UTP6: variants seen among roughly 807,000 people sequenced by gnomAD.
UTP6 encodes the protein UTP6 small subunit processome component, also known as U3 small nucleolar RNA-associated protein 6 homolog.
UTP6 carries 60 observed loss-of-function variants against 96.5 expected under a neutral mutation model. The ratio of observed to expected loss-of-function variants is 0.62; its 90% CI spans 0.51 to 0.77. UTP6 has a LOEUF of 0.77. UTP6 is among the 30% of genes least tolerant of loss of function. The pLI is 0.00. For missense variants in UTP6, 637 were observed against 706.5 expected, an observed-to-expected ratio of 0.90 and a Z score of 1.12; for synonymous variants, 215 against 240.1, an observed-to-expected ratio of 0.90 and a Z score of 0.96.
intron 2 of UTP6, among the ~76,000 whole-genome samples, chr17:31,895,960 G>C (rs913588012): frequency 6.7e-6 from 1 of 150,264 alleles, no homozygotes; most frequent in Non-Finnish European, 1.5e-5. Flanking sequence ...ACAGTCAGCC[G>C]AGATCATGTC....
chr17:31,863,983 G>A (rs552509277), intron 18 of UTP6, among the ~76,000 whole-genome samples: 1 of 152,170 alleles, frequency 6.6e-6, no homozygotes, highest in Non-Finnish European at 1.5e-5. Context: ...TTACAGGCGT[G>A]AGCCACTGTG....
At chr17:31,881,778 C>T (rs1417960171) in intron 10 of UTP6, among the ~76,000 whole-genome samples, 1 of 152,096 alleles carries the variant, frequency 6.6e-6, no homozygotes, top group Non-Finnish European at 1.5e-5. Context: ...ACTGCAGCCT[C>T]CACCTCCCAG....
intron 10 of UTP6, among the ~76,000 whole-genome samples, chr17:31,882,811 G>T (rs2142308060): frequency 6.6e-6 from 1 of 151,634 alleles, no homozygotes; most frequent in East Asian, 1.9e-4. Context: ...TTTGAGACAG[G>T]GTCTCACTCT....
chr17:31,901,008 C>T (rs1904950566), intron 1 of UTP6, among the ~76,000 whole-genome samples: 2 of 152,154 alleles, frequency 1.3e-5, no homozygotes, highest in African/African-American at 4.8e-5. Context: ...AACTATTAAA[C>T]ATAATTTTAA....
At chr17:31,865,180 T>C (rs1214114101) in intron 18 of UTP6, among the ~76,000 whole-genome samples, 186 bp downstream of exon 18, 1 of 152,170 alleles carries the variant, frequency 6.6e-6, no homozygotes, top group Non-Finnish European at 1.5e-5. Context: ...CATGTCCAGC[T>C]AATTTTTATT....
chr17:31,899,672 T>G lies in UTP6; in HGVS notation c.151A>C (p.Lys51Gln), dbSNP rs377073088. 4 of 1,605,442 alleles carry G rather than the reference T, an allele frequency of 2.5e-6. No individual in the cohort carries two copies. The highest frequency in any genetic ancestry group is 2.5e-6 in the Non-Finnish European group (3 of 1,176,620). Residue 51 changes from lysine to glutamine, a missense_variant, in exon 2 of 19, where the codon AAG becomes CAG. Physicochemically the swap from Lys to Gln is moderately conservative, Grantham distance 53 (BLOSUM62 1). Coordinates refer to ENST00000261708, the MANE Select transcript of UTP6 (RefSeq NM_018428.3). ...EYKIQRRTLF[K>Q]EDFINYVQYE... Reference sequence around the variant, plus strand: ...TGAACATAATTGATAAAGTCTTCCTTGAAAAGGGTTCTTCTCTGGATTTTG... The same window carrying G: ...TGAACATAATTGATAAAGTCTTCCTGGAAAAGGGTTCTTCTCTGGATTTTG...
At chr17:31,893,124 T>G (rs1016506236) in intron 4 of UTP6, among the ~76,000 whole-genome samples, 4 of 152,004 alleles carry the variant, frequency 2.6e-5, no homozygotes, top group African/African-American at 9.6e-5. Context: ...TACAAAAAAA[T>G]TAGCCGGACT....
At chr17:31,878,665 T>C (rs2142302366) in intron 12 of UTP6, 37 bp downstream of exon 12, 1 of 1,580,358 alleles carries the variant, frequency 6.3e-7, no homozygotes. Context: ...AGGCAGTCAC[T>C]ATCTAGTCAA....
At position 31,899,765 on chromosome 17, in the gene UTP6, C is replaced by A. The variant is rs538317436; in HGVS notation, c.93-35G>T. ...AAGCCATTTAAACTTCACTTGAAAACTGCAAAAATTAAACGTTTAAGTTTA... is the reference window on the plus strand; with the variant it reads ...AAGCCATTTAAACTTCACTTGAAAAATGCAAAAATTAAACGTTTAAGTTTA... On this transcript the variant is annotated intron_variant, in intron 1 of 18. Transcript: ENST00000261708. 6 of 1,443,418 alleles carry A rather than the reference C, an allele frequency of 4.2e-6. No individual in the cohort carries two copies. The Admixed American group carries it at 1.4e-4, about 33-fold the overall frequency. The allele number at this position is 1,443,418 out of a possible 1,614,324, so 89.4% of individuals were successfully genotyped here.
chr17:31,884,442 T>C lies in UTP6; in HGVS notation c.767A>G (p.Gln256Arg). 2 of 1,611,958 alleles carry C rather than the reference T, an allele frequency of 1.2e-6. No homozygotes were observed. The highest frequency in any genetic ancestry group is 1.1e-5 in the South Asian group (1 of 90,470). ...AQLFDFAKDL[Q>R]KEIYDDLQAL... ...TACTTACTCATCATAAATCTCTTTT[T>C]GTAGATCTTTGGCAAAGTCAAATAG... The change falls in exon 10 of 19, where the codon CAA becomes CGA. Residue 256 changes from glutamine to arginine, a missense_variant. Coordinates refer to ENST00000261708, the MANE Select transcript of UTP6 (RefSeq NM_018428.3).
chr17:31,875,499 A>AT, intron 13 of UTP6, 86 bp from the exon 14 acceptor site: 6 of 1,450,510 alleles, frequency 4.1e-6, no homozygotes, highest in Non-Finnish European at 5.6e-6. Context: ...CATTTGAGGC[A>AT]AGAATTTCAC....
chr17:31,872,665 G>A (rs1478697756), intron 16 of UTP6, among the ~76,000 whole-genome samples: 1 of 152,008 alleles, frequency 6.6e-6, no homozygotes, highest in Non-Finnish European at 1.5e-5. Context: ...GACAGAGCGA[G>A]AACCTGTCTC....
At position 31,901,587 on chromosome 17, in the gene UTP6, G is replaced by T; in HGVS notation, c.41C>A (p.Pro14Gln). The change falls in exon 1 of 19, where the codon CCG becomes CAG. Residue 14 changes from proline to glutamine, a missense_variant. Transcript: ENST00000261708. ...IIQERIEDRL[P>Q]ELEQLERIGL... ...AATGCGCTCCAGCTGTTCCAATTCC[G>T]GGAGCCGATCTTCTATGCGTTCCTG... 6.2e-7 allele frequency: 1 copy of T among 1,613,906 alleles called. No individual in the cohort carries two copies. Among genetic ancestry groups the T allele is most frequent in the South Asian group, 1.1e-5 (1 of 91,074 alleles).
chr17:31,875,651 C>T (rs1424153856), intron 13 of UTP6, among the ~76,000 whole-genome samples: 3 of 151,796 alleles, frequency 2.0e-5, no homozygotes, highest in East Asian at 3.9e-4. Flanking sequence ...GGTGAAACCC[C>T]GTCTCTACTA....
rs1567772883 is a variant in UTP6 at position 31,863,140 on chromosome 17, A to G, written c.*219T>C. ...AAGGTCACTTGAGTCCAGGAGTTCAAGACCAGCCAGGGCAACAGAGCAAGA... is the reference window on the plus strand; with the variant it reads ...AAGGTCACTTGAGTCCAGGAGTTCAGGACCAGCCAGGGCAACAGAGCAAGA... On this transcript the variant is annotated 3_prime_UTR_variant, in exon 19 of 19. Coordinates refer to ENST00000261708, the MANE Select transcript of UTP6 (RefSeq NM_018428.3). 1.9e-6 allele frequency: 1 copy of G among 520,258 alleles called. No homozygotes were observed. The highest frequency in any genetic ancestry group is 3.4e-6 in the Non-Finnish European group (1 of 296,138). 32.2% of individuals were successfully genotyped at this position (520,258 alleles called of 1,614,324 possible).
chr17:31,889,148 A>G (rs1911318312), intron 7 of UTP6, 137 bp downstream of exon 7: 1 of 563,346 alleles, frequency 1.8e-6, no homozygotes, highest in Non-Finnish European at 3.1e-6. Flanking sequence ...ATAGCCAGGT[A>G]TGGTGGCGGG....
chr17:31,889,156 G>A (rs111878386), intron 7 of UTP6, 129 bp downstream of exon 7: 33 of 582,498 alleles, frequency 5.7e-5, no homozygotes, highest in African/African-American at 1.9e-4. Flanking sequence ...GTATGGTGGC[G>A]GGCACCTGTA....
chr17:31,896,752 T>A (rs1904677327), intron 2 of UTP6, among the ~76,000 whole-genome samples: 1 of 151,636 alleles, frequency 6.6e-6, no homozygotes, highest in Admixed American at 6.6e-5. Flanking sequence ...TCCTCCCACC[T>A]CAACCTCCAG....
intron 5 of UTP6, 56 bp downstream of exon 5, chr17:31,892,691 G>C: frequency 6.2e-7 from 1 of 1,607,316 alleles, no homozygotes; most frequent in South Asian, 1.1e-5. Flanking sequence ...GAAGCTTAAA[G>C]GGCAGATTAA....
Sources: gnomAD v4.1 joint callset for allele counts (sites outside exome capture counted in the v4.1 genomes callset) on GRCh38, gnomAD v4.1.1 for gene constraint, MANE v1.5 for transcripts, NCBI Gene and HGNC (gene_info 2026-07-23, HGNC 2026-07-21) for gene names.